Variants in MTMR14 observed in about 807,000 individuals in gnomAD.
The protein encoded by MTMR14 is phosphatidylinositol-3,5-bisphosphate 3-phosphatase MTMR14.
In MTMR14, 48 loss-of-function variants were observed where a neutral mutation model predicts 86.3. The observed-to-expected ratio is 0.56, with a 90% CI of 0.44 to 0.71. MTMR14 has a LOEUF of 0.71. Among genes scored for constraint, MTMR14 ranks in the 30% least tolerant of loss-of-function variants. MTMR14 has a pLI of 0.00. For missense variants in MTMR14, 780 were observed against 834.6 expected, an observed-to-expected ratio of 0.93 and a Z score of 0.81; for synonymous variants, 366 against 326.1, an observed-to-expected ratio of 1.12 and a Z score of -1.32.
At position 9,678,055 on chromosome 3, in the gene MTMR14, T is replaced by G; in HGVS notation, c.894T>G (p.Tyr298Ter). ...CTCTGAACATTGACTGGAGCCAGTA[T>G]CAGGTGAGGGGCCTGACTCAAGCAT... is the stretch of plus-strand genomic sequence containing the variant. ...THSLNIDWSQ[Y>*]QCWDLVQQTQ... Residue 298 changes from tyrosine (Y) to a stop codon, truncating the protein, a stop_gained, in exon 9 of 19, where the codon TAT becomes TAG. Transcript: ENST00000296003. LOFTEE classifies it high-confidence loss of function. 6.2e-7 allele frequency: 1 copy of G among 1,613,992 alleles called. No homozygotes were observed. Among genetic ancestry groups the G allele is most frequent in the Non-Finnish European group, 8.5e-7 (1 of 1,180,004 alleles).
chr3:9,668,098 C>T (rs1309063349), intron 3 of MTMR14, among the ~76,000 whole-genome samples: 1 of 152,102 alleles, frequency 6.6e-6, no homozygotes, highest in Middle Eastern at 3.2e-3. Flanking sequence ...GAGGTTTGTG[C>T]CAGTTGCCCG....
rs146866748 is a variant in MTMR14, at chr3:9,697,239, G to A, written c.1614-472G>A. On this transcript the variant is annotated intron_variant, in intron 17 of 18. Transcript: ENST00000296003. ...ACCCTCCACAATCCCCAAGAGGCCC[G>A]TACTGTCTCTTCTGATGGGACTCCT... Among the ~76,000 whole-genome samples the A allele has an allele frequency of 7.8e-3, 1,181 of 152,232 alleles. 15 individuals are homozygous for A. Among genetic ancestry groups the A allele is most frequent in the African/African-American group, 0.026 (1,083 of 41,548 alleles).
In MTMR14 at chr3:9,681,289, C is replaced by T. The variant is rs2075759733; in HGVS notation, c.898-1889C>T. On this transcript the variant is annotated intron_variant, in intron 9 of 18. Transcript: ENST00000296003. ...GAGGTATGCCCCTTCTTTCTGTGTC[C>T]TAAGACCCCTCCCTGGGGCTGCTGT... Among the ~76,000 whole-genome samples, 3 of 152,306 alleles carry T rather than the reference C, an allele frequency of 2.0e-5. No individual in the cohort carries two copies. The South Asian group carries it at 6.2e-4, about 32-fold the overall frequency.
intron 17 of MTMR14, among the ~76,000 whole-genome samples, chr3:9,695,690 C>A (rs572571455): frequency 6.6e-6 from 1 of 152,350 alleles, no homozygotes; most frequent in South Asian, 2.1e-4. Flanking sequence ...CCCATGCTCC[C>A]AGCCCCAGCT....
rs190965144 is a variant in MTMR14 at position 9,667,205 on chromosome 3, C to T, written c.418-1514C>T. Among the ~76,000 whole-genome samples the T allele has an allele frequency of 1.5e-3, 226 of 152,254 alleles. 1 individual carries two copies. The highest frequency in any genetic ancestry group is 5.2e-3 in the African/African-American group (217 of 41,542). On this transcript the variant is annotated intron_variant, in intron 3 of 18. Coordinates refer to ENST00000296003, the MANE Select transcript of MTMR14 (RefSeq NM_001077525.3). ...TCAGCTGCCAGCAGCTTAGATGAAG[C>T]GGGGAGAGTGGATATGATACAAATG... is the stretch of plus-strand genomic sequence containing the variant.
In MTMR14 at chr3:9,678,056, C is replaced by T; in HGVS notation, c.895C>T (p.Gln299Ter). ...TCTGAACATTGACTGGAGCCAGTATCAGGTGAGGGGCCTGACTCAAGCATT... is the reference window on the plus strand; with the variant it reads ...TCTGAACATTGACTGGAGCCAGTATTAGGTGAGGGGCCTGACTCAAGCATT... ...HSLNIDWSQY[Q>*]CWDLVQQTQN... The change falls in exon 9 of 19, where the codon CAG becomes TAG. Residue 299 changes from glutamine to a stop codon, truncating the protein, a stop_gained and splice_region_variant. Transcript: ENST00000296003. LOFTEE classifies it high-confidence loss of function. 6.2e-7 allele frequency: 1 copy of T among 1,613,950 alleles called. No homozygotes were observed. Among genetic ancestry groups the T allele is most frequent in the Non-Finnish European group, 8.5e-7 (1 of 1,179,976 alleles).
At chr3:9,667,302 A>G (rs1246330484) in intron 3 of MTMR14, among the ~76,000 whole-genome samples, 1 of 152,134 alleles carries the variant, frequency 6.6e-6, no homozygotes, top group East Asian at 1.9e-4. Flanking sequence ...TTTCCTGTGG[A>G]AGCATCCACT....
Position 9,649,742 on chromosome 3 carries a change from G to A in MTMR14, c.159G>A (p.Lys53=), listed in dbSNP as rs746811548. The change falls in exon 1 of 19, where the codon AAG becomes AAA. Residue 53 remains lysine, a splice_region_variant and synonymous_variant. Transcript: ENST00000296003. ...ATGGCAGCGGGACCGGCGGCTCTAA[G>A]GTGAGATTGGAGGTGCGATGAGCTG... ...AKDGSGTGGS[K]VERIEKRCLE... 6.2e-7 allele frequency: 1 copy of A among 1,613,436 alleles called. No homozygotes were observed. The highest frequency in any genetic ancestry group is 1.1e-5 in the South Asian group (1 of 90,920).
Position 9,649,526 on chromosome 3 carries a change from G to T in MTMR14, c.-58G>T. 1 of 1,502,300 alleles carries T rather than the reference G, an allele frequency of 6.7e-7. No homozygotes were observed. The highest frequency in any genetic ancestry group is 8.9e-7 in the Non-Finnish European group (1 of 1,128,572). The allele number at this position is 1,502,300 out of a possible 1,614,324, so 93.1% of individuals were successfully genotyped here. A position where few individuals can be genotyped will look rare whatever the true frequency, so the allele number is the denominator to read the frequency against. ...CCGGAGGTTCTAGTGTCGGAGTTGG[G>T]TGCAGGCAGGTGCCATGGGCCCGCT... On this transcript the variant is annotated 5_prime_UTR_variant, in exon 1 of 19. Coordinates refer to ENST00000296003, the MANE Select transcript of MTMR14 (RefSeq NM_001077525.3).
chr3:9,671,011 A>G, intron 5 of MTMR14, 37 bp from the exon 6 acceptor site: 2 of 1,613,726 alleles, frequency 1.2e-6, no homozygotes, highest in East Asian at 2.2e-5. Flanking sequence ...GTGAGTGAAC[A>G]TGCCATGTAA....
chr3:9,680,123 C>T (rs1036382115), intron 9 of MTMR14, among the ~76,000 whole-genome samples: 3 of 152,210 alleles, frequency 2.0e-5, no homozygotes, highest in African/African-American at 7.2e-5. Context: ...TCCCTTCAGG[C>T]GGCCCCTCAG....
At chr3:9,687,760 C>T in intron 13 of MTMR14, 61 bp from the exon 14 acceptor site, 2 of 1,460,168 alleles carry the variant, frequency 1.4e-6, no homozygotes, top group South Asian at 2.4e-5. Flanking sequence ...TGGCCGCCCT[C>T]CCCTGGGAGT....
chr3:9,660,942 T>G (rs2047892739), intron 2 of MTMR14, among the ~76,000 whole-genome samples: 1 of 152,156 alleles, frequency 6.6e-6, no homozygotes, highest in Admixed American at 6.5e-5. Context: ...TTGCTAAAGG[T>G]TGGTAGGTGA....
chr3:9,657,796 G>T (rs1369436542), intron 2 of MTMR14, among the ~76,000 whole-genome samples: 1 of 152,010 alleles, frequency 6.6e-6, no homozygotes, highest in African/African-American at 2.4e-5. Flanking sequence ...TGATCCACTG[G>T]TCTCGGCCTC....
Position 9,677,173 on chromosome 3 carries a change from G to A in MTMR14, c.752-144G>A. On this transcript the variant is annotated intron_variant, in intron 7 of 18. Transcript: ENST00000296003. This position sits in a 1 kb window ranked among gnomAD's most constrained non-coding sequence, Gnocchi z 4.2. ...GCTTTTGCCCACCCGTGTCAGCCTT[G>A]GCCTCACTGAAGCCACTAGCTTGGA... is the stretch of plus-strand genomic sequence containing the variant. The A allele has an allele frequency of 1.4e-6, 1 of 709,252 alleles. No homozygotes were observed. Among genetic ancestry groups the A allele is most frequent in the South Asian group, 1.7e-5 (1 of 59,416 alleles). 43.9% of individuals were successfully genotyped at this position (709,252 alleles called of 1,614,324 possible).
At position 9,701,899 on chromosome 3, in the gene MTMR14, G is replaced by T. The variant is rs190345299; in HGVS notation, c.1879G>T (p.Gly627Cys). Residue 627 changes from glycine to cysteine, a missense_variant, in exon 19 of 19, where the codon GGT becomes TGT. Physicochemically the swap from Gly to Cys is radical, Grantham distance 159 (BLOSUM62 -3). Coordinates refer to ENST00000296003, the MANE Select transcript of MTMR14 (RefSeq NM_001077525.3). This position sits in a 1 kb window ranked among gnomAD's most constrained non-coding sequence, Gnocchi z 4.2. The stretch of plus-strand genomic sequence containing the variant: ...TCGGGCAGTAGCCCCCAGTCCTTCC[G>T]GTGCCATCGGGGGCCTGCTGGAGCA... ...GLRAVAPSPSGAIGGLLEQFA... is the reference protein window; with the variant it reads ...GLRAVAPSPSCAIGGLLEQFA... 6 of 1,614,062 alleles carry T rather than the reference G, an allele frequency of 3.7e-6. No individual in the cohort carries two copies. The South Asian group carries it at 6.6e-5, about 18-fold the overall frequency.
chr3:9,662,449 CT>C, intron 3 of MTMR14, 74 bp downstream of exon 3: 21 of 1,249,310 alleles, frequency 1.7e-5, no homozygotes, highest in South Asian at 2.5e-5. Context: ...AGTATAGGGT[CT>C]TTTTTTCCCT....
chr3:9,685,370 C>A, intron 13 of MTMR14, 123 bp downstream of exon 13: 1 of 1,168,034 alleles, frequency 8.6e-7, no homozygotes, highest in East Asian at 2.4e-5. Context: ...GATGTGGCCC[C>A]CTGTCATCTC....
chr3:9,667,034 C>A (rs1426165855), intron 3 of MTMR14, among the ~76,000 whole-genome samples: 1 of 152,110 alleles, frequency 6.6e-6, no homozygotes, highest in Non-Finnish European at 1.5e-5. Context: ...GGTCTGGCTG[C>A]CTCAATTACT....
Sources: allele counts gnomAD v4.1 joint callset (sites outside exome capture counted in the v4.1 genomes callset), GRCh38; gene constraint gnomAD v4.1.1; non-coding constraint Gnocchi (gnomAD v3.1); transcripts MANE v1.5; gene names NCBI Gene and HGNC (gene_info 2026-07-23, HGNC 2026-07-21).